The following SLC13A1 variants were observed in gnomAD, a reference collection of about 807,000 sequenced individuals.
The protein encoded by SLC13A1 is Na(+)/sulfate cotransporter.
In SLC13A1, 65 loss-of-function variants were observed where a neutral mutation model predicts 70.0. That is an observed-to-expected ratio of 0.93 (90% CI 0.76 to 1.14). The LOEUF (loss-of-function observed/expected upper bound fraction) is 1.14, where lower values mean the gene tolerates loss of function less well. Ranked by LOEUF, SLC13A1 falls within the 50% of genes most tolerant of loss-of-function variation. SLC13A1 has a pLI of 0.00. For synonymous variants in SLC13A1, 275 were observed against 250.5 expected (o/e 1.10, Z -0.92); for missense variants, 726 against 717.8 (o/e 1.01, Z -0.13).
chr7:123,134,021 G>GT (rs908465289), intron 8 of SLC13A1, among the ~76,000 whole-genome samples: 5 of 151,398 alleles, frequency 3.3e-5, no homozygotes, highest in Admixed American at 6.6e-5. Context: ...TAGGGGGGAG[G>GT]TTTTTTTTGT....
intron 1 of SLC13A1, among the ~76,000 whole-genome samples, chr7:123,188,270 G>T (rs1795880067): frequency 6.6e-6 from 1 of 152,126 alleles, no homozygotes; most frequent in Non-Finnish European, 1.5e-5. Context: ...ATTATTGTAA[G>T]TTTCTTGAGG....
At chr7:123,124,371 C>G (rs1455350965) in intron 11 of SLC13A1, among the ~76,000 whole-genome samples, 1 of 152,166 alleles carries the variant, frequency 6.6e-6, no homozygotes, top group African/African-American at 2.4e-5. Flanking sequence ...CTCCTTAACA[C>G]ACATTGAGAT....
intron 1 of SLC13A1, among the ~76,000 whole-genome samples, chr7:123,194,654 A>C (rs1796117397): frequency 6.6e-6 from 1 of 152,064 alleles, no homozygotes; most frequent in South Asian, 2.1e-4. Flanking sequence ...CAGTGCCAGC[A>C]GGAAAGGAAA....
intron 7 of SLC13A1, among the ~76,000 whole-genome samples, chr7:123,135,165 A>C (rs1345240600): frequency 4.6e-5 from 7 of 152,232 alleles, no homozygotes. Context: ...ACTCTGAGCC[A>C]GATAAAAATA....
intron 1 of SLC13A1, among the ~76,000 whole-genome samples, chr7:123,199,565 G>A (rs1796286723): frequency 6.6e-6 from 1 of 151,968 alleles, no homozygotes; most frequent in African/African-American, 2.4e-5. Flanking sequence ...AAATCTCAAA[G>A]GTTGTGCTTC....
chr7:123,134,335 A>G (rs2116339974), intron 8 of SLC13A1, 75 bp downstream of exon 8: 2 of 1,405,336 alleles, frequency 1.4e-6, no homozygotes, highest in South Asian at 1.3e-5. Flanking sequence ...TAGGGGAAAG[A>G]GCATCGGATA....
chr7:123,135,581 CTT>C (rs1793924645), intron 7 of SLC13A1, among the ~76,000 whole-genome samples: 2 of 152,020 alleles, frequency 1.3e-5, no homozygotes, highest in Admixed American at 1.3e-4. Flanking sequence ...TTTAATCATA[CTT>C]TGTACTTTGT....
intron 6 of SLC13A1, among the ~76,000 whole-genome samples, chr7:123,157,014 T>C (rs1344686523): frequency 3.3e-5 from 5 of 152,116 alleles, no homozygotes; most frequent in African/African-American, 1.2e-4. Context: ...GCTGGTGCTG[T>C]GAGAAATCCA....
chr7:123,132,445 C>T (rs1793796044), intron 8 of SLC13A1, among the ~76,000 whole-genome samples: 1 of 152,090 alleles, frequency 6.6e-6, no homozygotes, highest in South Asian at 2.1e-4. Flanking sequence ...GATCTCGGCT[C>T]ACTGCAACCT....
chr7:123,188,444 A>G (rs1432899985), intron 1 of SLC13A1, among the ~76,000 whole-genome samples: 1 of 152,212 alleles, frequency 6.6e-6, no homozygotes, highest in East Asian at 1.9e-4. Context: ...CATCCTTGGT[A>G]TATGGGATTA....
At chr7:123,188,968 AGCCGG>A (rs1253490721) in intron 1 of SLC13A1, among the ~76,000 whole-genome samples, 8 of 151,008 alleles carry the variant, frequency 5.3e-5, no homozygotes, top group Admixed American at 5.3e-4. Flanking sequence ...ACAAAAAATT[AGCCGG>A]GTGTAGTGGC....
chr7:123,123,293 G>T (rs1191061547), intron 11 of SLC13A1, 58 bp from the exon 12 acceptor site: 2 of 1,078,600 alleles, frequency 1.9e-6, no homozygotes, highest in Non-Finnish European at 2.9e-6. Flanking sequence ...TATGACATTT[G>T]CTTCAGCATC....
intron 7 of SLC13A1, among the ~76,000 whole-genome samples, chr7:123,136,572 A>G (rs1793954780): frequency 6.6e-6 from 1 of 152,176 alleles, no homozygotes; most frequent in African/African-American, 2.4e-5. Context: ...CTTAATTCTG[A>G]TGAAATCCTT....
intron 1 of SLC13A1, among the ~76,000 whole-genome samples, chr7:123,188,391 T>C (rs982419345): frequency 6.6e-6 from 1 of 152,202 alleles, no homozygotes; most frequent in Non-Finnish European, 1.5e-5. Flanking sequence ...ATGGTCATAC[T>C]AGTTTATATT....
chr7:123,160,162 T>G (rs1794840917), intron 6 of SLC13A1, among the ~76,000 whole-genome samples: 1 of 151,234 alleles, frequency 6.6e-6, no homozygotes, highest in Admixed American at 6.6e-5. Flanking sequence ...TCCCAGCTAC[T>G]CAGGAGGCTG....
intron 12 of SLC13A1, among the ~76,000 whole-genome samples, chr7:123,120,278 A>G (rs1276444649): frequency 6.6e-6 from 1 of 152,076 alleles, no homozygotes; most frequent in African/African-American, 2.4e-5. Flanking sequence ...GAGAATTGGT[A>G]TAAGAGTCTT....
At chr7:123,136,369 T>C (rs995921411) in intron 7 of SLC13A1, among the ~76,000 whole-genome samples, 2 of 152,306 alleles carry the variant, frequency 1.3e-5, no homozygotes, top group East Asian at 3.9e-4. Flanking sequence ...TATGCCTCTA[T>C]AATCATAACC....
chr7:123,171,421 C>A (rs1795268487), intron 3 of SLC13A1, among the ~76,000 whole-genome samples: 1 of 152,150 alleles, frequency 6.6e-6, no homozygotes, highest in South Asian at 2.1e-4. Flanking sequence ...GTGTAATCAG[C>A]CAAATAAACA....
At chr7:123,170,070 A>C (rs10252878) in intron 3 of SLC13A1, among the ~76,000 whole-genome samples, 2,068 of 152,284 alleles carry the variant, frequency 0.014, 52 homozygotes, top group African/African-American at 0.047. Flanking sequence ...ACAAAATTTT[A>C]AGCCATATCT....
Sources: gnomAD v4.1 joint callset for allele counts (sites outside exome capture counted in the v4.1 genomes callset) on GRCh38, gnomAD v4.1.1 for gene constraint, MANE v1.5 for transcripts, NCBI Gene and HGNC (gene_info 2026-07-23, HGNC 2026-07-21) for gene names.